Variants in EIF2AK3 observed in about 807,000 individuals in gnomAD.
EIF2AK3 encodes eukaryotic translation initiation factor 2 alpha kinase 3, also known as eukaryotic translation initiation factor 2-alpha kinase 3.
A neutral mutation model predicts 113.5 loss-of-function variants in EIF2AK3; 50 were observed. The observed-to-expected ratio is 0.44, with a 90% CI of 0.35 to 0.56. EIF2AK3 has a LOEUF of 0.56. Ranked by LOEUF, EIF2AK3 falls within the 20% of genes least tolerant of loss-of-function variation. EIF2AK3 has a pLI of 0.00. For missense variants in EIF2AK3, 1,185 were observed against 1,378.0 expected (o/e 0.86, Z 2.22); for synonymous variants, 448 against 495.4 (o/e 0.90, Z 1.27).
At chr2:88,598,555 C>T (rs1675072076) in intron 2 of EIF2AK3, among the ~76,000 whole-genome samples, 1 of 151,828 alleles carries the variant, frequency 6.6e-6, no homozygotes, top group South Asian at 2.1e-4. Context: ...AAGGAAAATT[C>T]CATTTTAAAA....
chr2:88,616,174 C>T (rs145491599), intron 1 of EIF2AK3, among the ~76,000 whole-genome samples: 7 of 152,240 alleles, frequency 4.6e-5, no homozygotes, highest in Non-Finnish European at 8.8e-5. Context: ...CCATCTATAT[C>T]CTGGCAACTC....
chr2:88,576,450 T>A, intron 12 of EIF2AK3, 104 bp downstream of exon 12: 1 of 1,505,632 alleles, frequency 6.6e-7, no homozygotes, highest in Non-Finnish European at 9.0e-7. Context: ...AGAACTCTGC[T>A]GTTCCTTTTC....
At chr2:88,592,783 C>A (rs1272886136) in intron 4 of EIF2AK3, among the ~76,000 whole-genome samples, 3 of 148,886 alleles carry the variant, frequency 2.0e-5, no homozygotes, top group African/African-American at 7.4e-5. Flanking sequence ...AAAAAAAAAT[C>A]ATTAACCTGA....
chr2:88,619,045 A>G (rs1044458002), intron 1 of EIF2AK3, among the ~76,000 whole-genome samples: 1 of 150,760 alleles, frequency 6.6e-6, no homozygotes, highest in African/African-American at 2.4e-5. Flanking sequence ...CTGTCGCCCA[A>G]TGGTACGATC....
intron 2 of EIF2AK3, among the ~76,000 whole-genome samples, chr2:88,606,719 C>G (rs569694562): frequency 1.3e-5 from 2 of 152,258 alleles, no homozygotes; most frequent in East Asian, 3.9e-4. Flanking sequence ...AAATCAGTAA[C>G]CAGTAAAGCT....
chr2:88,618,752 C>A (rs1341420800), intron 1 of EIF2AK3, among the ~76,000 whole-genome samples: 3 of 152,234 alleles, frequency 2.0e-5, no homozygotes, highest in Non-Finnish European at 4.4e-5. Context: ...CTCTCACTTA[C>A]ATTTTGCTGT....
At chr2:88,580,920 C>G (rs1444144171) in intron 10 of EIF2AK3, among the ~76,000 whole-genome samples, 1 of 152,048 alleles carries the variant, frequency 6.6e-6, no homozygotes, top group Non-Finnish European at 1.5e-5. Flanking sequence ...ATCAGTCTCC[C>G]CAAATGCAAA....
intron 3 of EIF2AK3, among the ~76,000 whole-genome samples, chr2:88,594,830 T>TAAAAAAAA (rs58582485): frequency 2.6e-5 from 3 of 115,064 alleles, no homozygotes; most frequent in Non-Finnish European, 5.2e-5. Context: ...TGTCAAAATG[T>TAAAAAAAA]AAAAAAAAAA....
chr2:88,617,822 C>A (rs1440363349), intron 1 of EIF2AK3, among the ~76,000 whole-genome samples: 2 of 151,250 alleles, frequency 1.3e-5, no homozygotes, highest in African/African-American at 2.4e-5. Context: ...TACTATGTAA[C>A]AAATCAGCAC....
At chr2:88,599,663 G>A (rs1233986616) in intron 2 of EIF2AK3, among the ~76,000 whole-genome samples, 3 of 152,074 alleles carry the variant, frequency 2.0e-5, no homozygotes, top group Non-Finnish European at 2.9e-5. Flanking sequence ...AGAGAAAGCA[G>A]GTGTGCATGA....
chr2:88,586,264 CA>C (rs1674730248), intron 8 of EIF2AK3, among the ~76,000 whole-genome samples: 1 of 151,880 alleles, frequency 6.6e-6, no homozygotes, highest in Non-Finnish European at 1.5e-5. Context: ...ATCCTATAAG[CA>C]TATTAAATTT....
At chr2:88,585,507 G>C (rs558761967) in intron 9 of EIF2AK3, among the ~76,000 whole-genome samples, 32 of 152,118 alleles carry the variant, frequency 2.1e-4, no homozygotes, top group Admixed American at 2.0e-3. Flanking sequence ...GTGAAAAGAG[G>C]GAGTGCTGAG....
chr2:88,600,588 GTCTA>G (rs1675127138), intron 2 of EIF2AK3, among the ~76,000 whole-genome samples: 1 of 152,176 alleles, frequency 6.6e-6, no homozygotes, highest in Non-Finnish European at 1.5e-5. Flanking sequence ...AACTCCCAGA[GTCTA>G]TCTGTGTAAT....
At chr2:88,619,556 C>A (rs1239296041) in intron 1 of EIF2AK3, among the ~76,000 whole-genome samples, 3 of 152,196 alleles carry the variant, frequency 2.0e-5, no homozygotes, top group Admixed American at 6.5e-5. Context: ...AGCCATCCAT[C>A]CTATTACCTA....
At chr2:88,567,350 GT>G (rs1674161166) in intron 14 of EIF2AK3, among the ~76,000 whole-genome samples, 1 of 151,866 alleles carries the variant, frequency 6.6e-6, no homozygotes, top group Admixed American at 6.6e-5. Flanking sequence ...CTTTGCTGCA[GT>G]TTGTGTTTGT....
chr2:88,575,761 C>T (rs114286163), intron 12 of EIF2AK3, among the ~76,000 whole-genome samples: 2,267 of 152,268 alleles, frequency 0.015, 54 homozygotes, highest in African/African-American at 0.052. Flanking sequence ...TTAAAATTAA[C>T]CTAAAAGGGC....
chr2:88,626,304 A>C (rs904057094), intron 1 of EIF2AK3, among the ~76,000 whole-genome samples: 27 of 152,224 alleles, frequency 1.8e-4, no homozygotes, highest in African/African-American at 6.0e-4. Flanking sequence ...ACCAATATTC[A>C]AGAATCTGAC....
At chr2:88,575,502 C>A in intron 12 of EIF2AK3, 56 bp from the exon 13 acceptor site, 1 of 1,573,718 alleles carries the variant, frequency 6.4e-7, no homozygotes, top group South Asian at 1.1e-5. Context: ...ATTCAAGTAC[C>A]TGAACTGCAC....
intron 2 of EIF2AK3, among the ~76,000 whole-genome samples, chr2:88,608,284 C>T (rs1166802389): frequency 2.0e-5 from 3 of 152,026 alleles, no homozygotes; most frequent in African/African-American, 7.2e-5. Context: ...CCAGGCTGGC[C>T]TCAAACTCCT....
Sources: gnomAD v4.1 joint callset for allele counts (sites outside exome capture counted in the v4.1 genomes callset) on GRCh38, gnomAD v4.1.1 for gene constraint, MANE v1.5 for transcripts, NCBI Gene and HGNC (gene_info 2026-07-23, HGNC 2026-07-21) for gene names.